PKNOX2: variants seen among roughly 807,000 people sequenced by gnomAD.
PKNOX2 encodes the protein PBX/knotted 1 homeobox 2.
PKNOX2 carries 14 observed loss-of-function variants against 53.1 expected under a neutral mutation model. That is an observed-to-expected ratio of 0.26 (90% CI 0.17 to 0.41). The LOEUF (loss-of-function observed/expected upper bound fraction) is 0.41, where lower values mean the gene tolerates loss of function less well. PKNOX2 is among the 10% of genes least tolerant of loss of function. PKNOX2 has a pLI of 1.00. For missense variants in PKNOX2, 496 were observed against 602.8 expected, an observed-to-expected ratio of 0.82 and a Z score of 1.85; for synonymous variants, 257 against 242.8, an observed-to-expected ratio of 1.06 and a Z score of -0.54.
intron 2 of PKNOX2, among the ~76,000 whole-genome samples, chr11:125,283,790 A>C (rs1946727458): frequency 6.6e-6 from 1 of 152,168 alleles, no homozygotes; most frequent in Non-Finnish European, 1.5e-5. Context: ...GGAAGAAGGG[A>C]ATCATGTTTG....
At chr11:125,284,629 G>T (rs569886141) in intron 2 of PKNOX2, among the ~76,000 whole-genome samples, 1 of 152,162 alleles carries the variant, frequency 6.6e-6, no homozygotes, top group Non-Finnish European at 1.5e-5. Flanking sequence ...TCTAATCACC[G>T]TCCACACAGA....
chr11:125,428,477 G>A (rs2135692367), intron 10 of PKNOX2, among the ~76,000 whole-genome samples: 2 of 152,234 alleles, frequency 1.3e-5, no homozygotes, highest in South Asian at 2.1e-4. Flanking sequence ...TAAAATGCAT[G>A]AAAGCATTTT....
chr11:125,309,581 T>C (rs553690352), intron 2 of PKNOX2, among the ~76,000 whole-genome samples: 1 of 152,050 alleles, frequency 6.6e-6, no homozygotes, highest in East Asian at 1.9e-4. Context: ...AGAGACAGGG[T>C]TTCACCATGT....
chr11:125,172,602 C>T (rs1018486664), intron 1 of PKNOX2, among the ~76,000 whole-genome samples: 6 of 152,192 alleles, frequency 3.9e-5, no homozygotes, highest in African/African-American at 1.4e-4. Flanking sequence ...CTTACCTTCT[C>T]TGGATGTCAG....
intron 2 of PKNOX2, among the ~76,000 whole-genome samples, chr11:125,270,313 T>G (rs1241763229): frequency 6.6e-6 from 1 of 152,336 alleles, no homozygotes; most frequent in East Asian, 1.9e-4. Context: ...GTCTTCCCTC[T>G]GCAGGTGGGT....
intron 1 of PKNOX2, among the ~76,000 whole-genome samples, chr11:125,212,412 G>A (rs957308136): frequency 6.6e-6 from 1 of 150,484 alleles, no homozygotes. Flanking sequence ...ATGTGGCCCC[G>A]ACAGGTCAAC....
chr11:125,342,364 C>A (rs1020223667), intron 3 of PKNOX2, among the ~76,000 whole-genome samples: 1 of 152,124 alleles, frequency 6.6e-6, no homozygotes, highest in Admixed American at 6.5e-5. Context: ...CTCCTTCCCC[C>A]ACCAGCCCCT....
At chr11:125,201,536 GC>G (rs767166764) in intron 1 of PKNOX2, among the ~76,000 whole-genome samples, 3 of 152,194 alleles carry the variant, frequency 2.0e-5, no homozygotes, top group Non-Finnish European at 4.4e-5. Flanking sequence ...GTGATTTGCT[GC>G]CTGTGTCCCT....
At chr11:125,359,922 C>T (rs886748459) in intron 4 of PKNOX2, among the ~76,000 whole-genome samples, 1 of 152,240 alleles carries the variant, frequency 6.6e-6, no homozygotes, top group Admixed American at 6.5e-5. Flanking sequence ...TGGAGGTTCT[C>T]CATGTTGGTC....
chr11:125,206,224 A>G (rs1203595579), intron 1 of PKNOX2, among the ~76,000 whole-genome samples: 1 of 151,994 alleles, frequency 6.6e-6, no homozygotes, highest in African/African-American at 2.4e-5. Flanking sequence ...CTTCAAGGGC[A>G]AGGGCTGTGG....
rs908256549 is a variant in PKNOX2, at chr11:125,202,318, A to G, written c.-200-32727A>G. ...TGCCCTGCCCCCTGCACCCCTCACC[A>G]AGGGGCCTTATCCCTGATGGCTGTG... On this transcript the variant is annotated intron_variant, in intron 1 of 12. Coordinates refer to ENST00000298282, the MANE Select transcript of PKNOX2 (RefSeq NM_001382323.2). Among the ~76,000 whole-genome samples, 68 of 151,984 alleles carry G rather than the reference A, an allele frequency of 4.5e-4. 2 individuals are homozygous for G. The highest frequency in any genetic ancestry group is 1.5e-5 in the Non-Finnish European group (1 of 67,990).
chr11:125,313,192 G>A (rs1310376247), intron 2 of PKNOX2, among the ~76,000 whole-genome samples: 2 of 152,214 alleles, frequency 1.3e-5, no homozygotes, highest in Non-Finnish European at 2.9e-5. Context: ...CCCCAGGTTT[G>A]TTTCTTGAAT....
At chr11:125,193,095 G>A (rs1159025861) in intron 1 of PKNOX2, among the ~76,000 whole-genome samples, 1 of 152,238 alleles carries the variant, frequency 6.6e-6, no homozygotes, top group Non-Finnish European at 1.5e-5. Flanking sequence ...TCGCTAGATA[G>A]ATTACATTTG....
chr11:125,205,353 T>C (rs113159619), intron 1 of PKNOX2, among the ~76,000 whole-genome samples: 1,870 of 152,156 alleles, frequency 0.012, 27 homozygotes, highest in African/African-American at 0.042. Flanking sequence ...CAGGCCCAGG[T>C]GGGCTCTTTC....
intron 5 of PKNOX2, among the ~76,000 whole-genome samples, chr11:125,373,575 G>A (rs1395695322): frequency 1.3e-5 from 2 of 152,254 alleles, no homozygotes; most frequent in African/African-American, 4.8e-5. Context: ...TTCTGTGGGT[G>A]TCAGCCGCTG....
intron 6 of PKNOX2, among the ~76,000 whole-genome samples, chr11:125,395,464 T>C (rs1954321109): frequency 6.6e-6 from 1 of 152,218 alleles, no homozygotes; most frequent in Non-Finnish European, 1.5e-5. Context: ...GGTCATATGG[T>C]ACGCACATAT....
In PKNOX2 at chr11:125,390,200, A is replaced by T. The variant is rs559154136; in HGVS notation, c.399+4478A>T. Among the ~76,000 whole-genome samples the T allele has an allele frequency of 3.3e-5, 5 of 152,304 alleles. No individual in the cohort carries two copies. In the South Asian group the frequency reaches 1.0e-3, roughly 32 times the overall value. ...GTACCGTTCCAACTGTTTTACATAT[A>T]TTATCTTATTTAATCCTCTTTCTAA... On this transcript the variant is annotated intron_variant, in intron 6 of 12. Transcript: ENST00000298282.
At chr11:125,317,041 G>C (rs1225009327) in intron 2 of PKNOX2, among the ~76,000 whole-genome samples, 1 of 152,228 alleles carries the variant, frequency 6.6e-6, no homozygotes, top group Non-Finnish European at 1.5e-5. Context: ...AATGTGCACA[G>C]TATCTTCACC....
At chr11:125,421,348 T>G (rs532535468) in intron 10 of PKNOX2, among the ~76,000 whole-genome samples, 2 of 152,264 alleles carry the variant, frequency 1.3e-5, no homozygotes, top group East Asian at 3.9e-4. Flanking sequence ...CCAGTGACCC[T>G]AACAGGAAGC....
Sources: allele counts gnomAD v4.1 joint callset (sites outside exome capture counted in the v4.1 genomes callset), GRCh38; gene constraint gnomAD v4.1.1; transcripts MANE v1.5; gene names NCBI Gene and HGNC (gene_info 2026-07-23, HGNC 2026-07-21).